Variants in MACROD2 observed in about 807,000 individuals in gnomAD.
MACROD2 encodes ADP-ribose glycohydrolase MACROD2.
Under a neutral mutation model 70.4 loss-of-function variants are expected in MACROD2, and 36 were observed. That is an observed-to-expected ratio of 0.51 (90% CI 0.39 to 0.68). MACROD2 has a LOEUF of 0.68. Among genes scored for constraint, MACROD2 ranks in the 30% least tolerant of loss-of-function variants. The pLI is 0.00. For synonymous variants in MACROD2, 172 were observed against 178.8 expected (o/e 0.96, Z 0.30); for missense variants, 496 against 538.4 (o/e 0.92, Z 0.78).
chr20:15,447,434 G>A (rs1021439175), intron 7 of MACROD2, among the ~76,000 whole-genome samples: 1 of 152,134 alleles, frequency 6.6e-6, no homozygotes, highest in African/African-American at 2.4e-5. Flanking sequence ...CTCAAGTGAG[G>A]CAGTGCCCAT....
intron 4 of MACROD2, among the ~76,000 whole-genome samples, chr20:14,630,372 T>C (rs994143993): frequency 1.3e-5 from 2 of 152,238 alleles, no homozygotes; most frequent in African/African-American, 4.8e-5. Flanking sequence ...ATTTTGTTTT[T>C]CTGCTTAAAC....
At chr20:14,951,851 T>C (rs2074478537) in intron 5 of MACROD2, among the ~76,000 whole-genome samples, 1 of 151,692 alleles carries the variant, frequency 6.6e-6, no homozygotes, top group Non-Finnish European at 1.5e-5. Context: ...CCCCCATCTT[T>C]CCTCCCGTGT....
chr20:14,315,063 G>A (rs2082601845), intron 3 of MACROD2, among the ~76,000 whole-genome samples: 1 of 152,092 alleles, frequency 6.6e-6, no homozygotes, highest in African/African-American at 2.4e-5. Context: ...TAGTGTTCTG[G>A]TGTATTTTGT....
chr20:15,748,185 T>G (rs2051212821), intron 8 of MACROD2, among the ~76,000 whole-genome samples: 1 of 152,130 alleles, frequency 6.6e-6, no homozygotes, highest in Non-Finnish European at 1.5e-5. Flanking sequence ...TTGGGAAGAT[T>G]CCTTGAGGTC....
At chr20:14,093,035 A>T (rs1260012842) in intron 3 of MACROD2, among the ~76,000 whole-genome samples, 1 of 152,150 alleles carries the variant, frequency 6.6e-6, no homozygotes, top group Non-Finnish European at 1.5e-5. Context: ...TCTAGTTACT[A>T]ATATATAATT....
intron 4 of MACROD2, among the ~76,000 whole-genome samples, chr20:14,600,327 C>CATATATATATAT (rs769273379): frequency 5.4e-5 from 7 of 128,748 alleles, no homozygotes; most frequent in African/African-American, 1.6e-4. Flanking sequence ...TATGCAGCTA[C>CATATATATATAT]ATATATATAT....
chr20:15,442,996 T>G (rs1271844127), intron 7 of MACROD2, among the ~76,000 whole-genome samples: 3 of 152,160 alleles, frequency 2.0e-5, no homozygotes, highest in Non-Finnish European at 2.9e-5. Flanking sequence ...CCTCAATTGT[T>G]TACATTTTTT....
intron 8 of MACROD2, among the ~76,000 whole-genome samples, chr20:15,736,093 G>C (rs2051016515): frequency 6.6e-6 from 1 of 152,152 alleles, no homozygotes; most frequent in Admixed American, 6.5e-5. Flanking sequence ...TCAGATTTCT[G>C]TTCAATGGAA....
chr20:14,327,627 C>G lies in MACROD2; in HGVS notation c.272-165852C>G, dbSNP rs560319288. The G allele has an allele frequency of 2.5e-5, 29 of 1,143,428 alleles. No individual in the cohort carries two copies. In the South Asian group the frequency reaches 5.2e-4, roughly 21 times the overall value. 70.8% of individuals were successfully genotyped at this position (1,143,428 alleles called of 1,614,324 possible). ...GCATACTGAATATAATGTTTAAAAA[C>G]AAATGTGGAAACTAAAATATCCATA... On this transcript the variant is annotated intron_variant, in intron 3 of 17. Coordinates refer to ENST00000684519, the MANE Select transcript of MACROD2 (RefSeq NM_001351661.2).
chr20:14,748,338 C>G (rs1278496111), intron 5 of MACROD2, among the ~76,000 whole-genome samples: 1 of 152,064 alleles, frequency 6.6e-6, no homozygotes, highest in Non-Finnish European at 1.5e-5. Context: ...TTGGGGAACT[C>G]CTTTTTAAAT....
chr20:15,724,052 C>T (rs2050826194), intron 8 of MACROD2, among the ~76,000 whole-genome samples: 1 of 152,124 alleles, frequency 6.6e-6, no homozygotes, highest in Admixed American at 6.6e-5. Flanking sequence ...ACATTTTTCT[C>T]ATATGTCTAT....
At chr20:15,811,948 G>A (rs1179571105) in intron 8 of MACROD2, among the ~76,000 whole-genome samples, 3 of 152,202 alleles carry the variant, frequency 2.0e-5, no homozygotes, top group African/African-American at 7.2e-5. Flanking sequence ...TCAAGCTGCA[G>A]TAAGAAGTGG....
chr20:14,990,553 G>T (rs1389146030), intron 5 of MACROD2, among the ~76,000 whole-genome samples: 24 of 134,206 alleles, frequency 1.8e-4, no homozygotes, highest in African/African-American at 5.4e-4. Context: ...TCGCTCTGCC[G>T]CCCAGGCTGG....
At chr20:14,733,507 G>A (rs2071622234) in intron 5 of MACROD2, among the ~76,000 whole-genome samples, 1 of 152,136 alleles carries the variant, frequency 6.6e-6, no homozygotes, top group African/African-American at 2.4e-5. Flanking sequence ...AAAACTTTGT[G>A]AGGGCAAGGA....
At chr20:14,059,471 A>G (rs1325557157) in intron 2 of MACROD2, among the ~76,000 whole-genome samples, 2 of 152,190 alleles carry the variant, frequency 1.3e-5, no homozygotes, top group Admixed American at 1.3e-4. Flanking sequence ...GAAGGGTAGT[A>G]TGATGGGAAT....
At chr20:14,730,433 G>T (rs1392339835) in intron 5 of MACROD2, among the ~76,000 whole-genome samples, 1 of 152,072 alleles carries the variant, frequency 6.6e-6, no homozygotes, top group Non-Finnish European at 1.5e-5. Context: ...TATTAGACTG[G>T]CAGGTCTCTC....
intron 3 of MACROD2, among the ~76,000 whole-genome samples, chr20:14,133,244 A>C (rs1437084383): frequency 6.6e-6 from 1 of 152,176 alleles, no homozygotes; most frequent in Non-Finnish European, 1.5e-5. Context: ...ACCTACCTTA[A>C]AGTTCTTAGC....
chr20:14,807,193 T>C (rs2072649824), intron 5 of MACROD2, among the ~76,000 whole-genome samples: 1 of 152,062 alleles, frequency 6.6e-6, no homozygotes, highest in Admixed American at 6.6e-5. Flanking sequence ...ACAGGAGAGC[T>C]CTGGCTGGCG....
intron 5 of MACROD2, among the ~76,000 whole-genome samples, chr20:14,964,626 A>C (rs1321619678): frequency 6.6e-6 from 1 of 152,142 alleles, no homozygotes; most frequent in African/African-American, 2.4e-5. Flanking sequence ...GCACACTAGC[A>C]TCCCTGGATT....
Sources: allele counts gnomAD v4.1 joint callset (sites outside exome capture counted in the v4.1 genomes callset), GRCh38; gene constraint gnomAD v4.1.1; transcripts MANE v1.5; gene names NCBI Gene and HGNC (gene_info 2026-07-23, HGNC 2026-07-21).